SHH: variants seen among roughly 807,000 people sequenced by gnomAD.
SHH encodes the protein sonic hedgehog protein.
A neutral mutation model predicts 16.6 loss-of-function variants in SHH; 3 were observed. The observed-to-expected ratio is 0.18, with a 90% CI of 0.08 to 0.47. The LOEUF is 0.47. Ranked by LOEUF, SHH falls within the 20% of genes least tolerant of loss-of-function variation. The probability of loss-of-function intolerance (pLI) is 0.98; values close to 1 mark genes in which losing one functional copy is unlikely to be tolerated. For synonymous variants in SHH, 351 were observed against 316.2 expected (o/e 1.11, Z -1.17); for missense variants, 499 against 665.0 (o/e 0.75, Z 2.75).
At chr7:155,805,007 G>A (rs891014302) in intron 2 of SHH, among the ~76,000 whole-genome samples, 1 of 152,196 alleles carries the variant, frequency 6.6e-6, no homozygotes, top group African/African-American at 2.4e-5. Flanking sequence ...TCGTCGAGTC[G>A]CACGGCCCGG....
intron 1 of SHH, chr7:155,806,823 G>A: frequency 1.7e-6 from 1 of 597,458 alleles, no homozygotes; most frequent in South Asian, 2.0e-5. Flanking sequence ...TGAAACAGCC[G>A]ATGCTCCTAG....
At chr7:155,810,147 C>T (rs1208909560) in intron 1 of SHH, among the ~76,000 whole-genome samples, 1 of 152,224 alleles carries the variant, frequency 6.6e-6, no homozygotes, top group Admixed American at 6.5e-5. Context: ...GTAAGTGGGG[C>T]TGCAGGCGTC....
rs1293081662 is a variant in SHH at position 155,802,336 on chromosome 7, C to CA, written c.*563dup. 1 of 152,132 alleles carries CA rather than the reference C, an allele frequency of 6.6e-6. No homozygotes were observed. Among genetic ancestry groups the CA allele is most frequent in the African/African-American group, 2.4e-5 (1 of 41,416 alleles). 9.4% of individuals were successfully genotyped at this position (152,132 alleles called of 1,614,324 possible). ...TTGATCTCTCAAAAAATCTAATTTA[C>CA]AATTCTGTGTATAAAAATATAATTT... On this transcript the variant is annotated 3_prime_UTR_variant, in exon 3 of 3. Transcript: ENST00000297261.
At position 155,800,277 on chromosome 7, in the gene SHH, G is replaced by A. The variant is rs1803151735; in HGVS notation, c.*2623C>T. 2 of 466,020 alleles carry A rather than the reference G, an allele frequency of 4.3e-6. No individual in the cohort carries two copies. The highest frequency in any genetic ancestry group is 8.9e-6 in the Non-Finnish European group (2 of 225,562). 28.9% of individuals were successfully genotyped at this position (466,020 alleles called of 1,614,324 possible). The stretch of plus-strand genomic sequence containing the variant: ...AAAAGAGAATTTTAAATATAAAGCA[G>A]TGGACGCATCTTAAGAAGATGGACC... On this transcript the variant is annotated 3_prime_UTR_variant, in exon 3 of 3. Coordinates refer to ENST00000297261, the MANE Select transcript of SHH (RefSeq NM_000193.4).
chr7:155,809,859 C>T lies in SHH; in HGVS notation c.300+1964G>A, dbSNP rs1317774858. Among the ~76,000 whole-genome samples the T allele has an allele frequency of 6.6e-6, 1 of 151,596 alleles. No individual in the cohort carries two copies. The highest frequency in any genetic ancestry group is 1.5e-5 in the Non-Finnish European group (1 of 67,820). ...CGGGGGGAGGCCCCCGGGCTGGGGG[C>T]TCCGGCTGGGACGCGGAGGCCTAGA... On this transcript the variant is annotated intron_variant, in intron 1 of 2. Coordinates refer to ENST00000297261, the MANE Select transcript of SHH (RefSeq NM_000193.4). This position sits in a 1 kb window ranked among gnomAD's most constrained non-coding sequence, Gnocchi z 6.1.
chr7:155,812,077 G>A lies in SHH; in HGVS notation c.46C>T (p.Leu16=). The change falls in exon 1 of 3, where the codon CTG becomes TTG. Residue 16 remains leucine, a synonymous_variant. Transcript: ENST00000297261. The part of the protein sequence containing the change: ...RCLLLVLVSS[L]LVCSGLACGP... Reference sequence around the variant, plus strand: ...CACGCCAGTCCCGAGCATACCAGCAGCGAGGAGACGAGGACTAGCAGCAGA... The same window carrying A: ...CACGCCAGTCCCGAGCATACCAGCAACGAGGAGACGAGGACTAGCAGCAGA... 2.5e-6 allele frequency: 4 copies of A among 1,614,216 alleles called. No individual in the cohort carries two copies. Among genetic ancestry groups the A allele is most frequent in the African/African-American group, 1.3e-5 (1 of 75,070 alleles).
At chr7:155,806,759 A>T (rs1412954188) in intron 1 of SHH, 1 of 702,284 alleles carries the variant, frequency 1.4e-6, no homozygotes, top group African/African-American at 1.8e-5. Context: ...TTTGCGGAGG[A>T]GCGTGGAGGA....
In SHH at chr7:155,812,020, G is replaced by T; in HGVS notation, c.103C>A (p.His35Asn). 6.2e-7 allele frequency: 1 copy of T among 1,614,148 alleles called. No individual in the cohort carries two copies. Among genetic ancestry groups the T allele is most frequent in the South Asian group, 1.1e-5 (1 of 91,072 alleles). The change falls in exon 1 of 3, where the codon CAC becomes AAC. Residue 35 changes from histidine (H) to asparagine (N), a missense_variant. This residue lies in a region of SHH where 75 missense variants were observed against 115.0 expected (regional missense o/e 0.65). Coordinates refer to ENST00000297261, the MANE Select transcript of SHH (RefSeq NM_000193.4). Reference protein sequence around the residue: ...GPGRGFGKRRHPKKLTPLAYK... With the variant: ...GPGRGFGKRRNPKKLTPLAYK... ...GCTAAAGGGGTCAGCTTTTTGGGGT[G>T]CCTCCTCTTCCCGAACCCCCTGCCC...
intron 1 of SHH, among the ~76,000 whole-genome samples, chr7:155,811,435 G>A (rs1374338826): frequency 2.6e-5 from 4 of 152,184 alleles, no homozygotes; most frequent in African/African-American, 9.7e-5. Context: ...TTGTGGGAGG[G>A]GGATTCCCAG....
Position 155,803,311 on chromosome 7 carries a change from C to T in SHH, c.978G>A (p.Arg326=), listed in dbSNP as rs759818601. The part of the protein sequence containing the change: ...YVVAERDGDR[R]LLPAAVHSVT... ...CGCTGTGCACAGCGGCGGGCAGGAG[C>T]CGGCGGTCCCCGTCACGCTCGGCCA... Residue 326 remains arginine, a synonymous_variant, in exon 3 of 3, where the codon CGG becomes CGA. Coordinates refer to ENST00000297261, the MANE Select transcript of SHH (RefSeq NM_000193.4). 1 of 1,477,024 alleles carries T rather than the reference C, an allele frequency of 6.8e-7. No individual in the cohort carries two copies. The highest frequency in any genetic ancestry group is 8.9e-7 in the Non-Finnish European group (1 of 1,121,586). 91.5% of individuals were successfully genotyped at this position (1,477,024 alleles called of 1,614,324 possible). A position where few individuals can be genotyped will look rare whatever the true frequency, so the allele number is the denominator to read the frequency against.
chr7:155,805,737 G>T (rs1005794364), intron 2 of SHH, among the ~76,000 whole-genome samples: 1 of 152,190 alleles, frequency 6.6e-6, no homozygotes, highest in Non-Finnish European at 1.5e-5. Context: ...CGCAGGCTCC[G>T]GGCGCGCCGC....
rs1803156721 is a variant in SHH, at chr7:155,800,522, T to C, written c.*2378A>G. On this transcript the variant is annotated 3_prime_UTR_variant, in exon 3 of 3. Coordinates refer to ENST00000297261, the MANE Select transcript of SHH (RefSeq NM_000193.4). Reference sequence around the variant, plus strand: ...TGGGCTGCACGGCCACATTGCCAGGTCTGTCTACACAGCCAGAGGAGCTGC... The same window carrying C: ...TGGGCTGCACGGCCACATTGCCAGGCCTGTCTACACAGCCAGAGGAGCTGC... The C allele has an allele frequency of 2.1e-6, 1 of 470,172 alleles. No homozygotes were observed. The highest frequency in any genetic ancestry group is 2.0e-5 in the African/African-American group (1 of 50,046). The allele number at this position is 470,172 out of a possible 1,614,324, so 29.1% of individuals were successfully genotyped here. A position where few individuals can be genotyped will look rare whatever the true frequency, so the allele number is the denominator to read the frequency against.
intron 1 of SHH, among the ~76,000 whole-genome samples, chr7:155,810,386 C>G (rs1237622021): frequency 2.0e-5 from 3 of 152,250 alleles, no homozygotes; most frequent in African/African-American, 7.2e-5. Context: ...AAGGCCCCTC[C>G]TCCGCGGGGA....
Position 155,800,817 on chromosome 7 carries a change from G to A in SHH, c.*2083C>T, listed in dbSNP as rs1463418460. The A allele has an allele frequency of 2.8e-6, 1 of 354,732 alleles. No homozygotes were observed. The highest frequency in any genetic ancestry group is 5.6e-6 in the Non-Finnish European group (1 of 178,888). The allele number at this position is 354,732 out of a possible 1,614,324, so 22.0% of individuals were successfully genotyped here. ...ACCCGTAGCAGAGCAGACCCTCAGGGACTGGGCCCAACCTCGGGAGCCAGC... is the reference window on the plus strand; with the variant it reads ...ACCCGTAGCAGAGCAGACCCTCAGGAACTGGGCCCAACCTCGGGAGCCAGC... On this transcript the variant is annotated 3_prime_UTR_variant, in exon 3 of 3. Transcript: ENST00000297261.
chr7:155,810,967 G>A (rs1803510162), intron 1 of SHH, among the ~76,000 whole-genome samples: 1 of 152,190 alleles, frequency 6.6e-6, no homozygotes, highest in South Asian at 2.1e-4. Flanking sequence ...GAGAGAGAGA[G>A]GAATTCATAT....
In SHH at chr7:155,812,025, C is replaced by G; in HGVS notation, c.98G>C (p.Arg33Thr). The G allele has an allele frequency of 1.9e-6, 3 of 1,614,158 alleles. No homozygotes were observed. Among genetic ancestry groups the G allele is most frequent in the Non-Finnish European group, 2.5e-6 (3 of 1,180,024 alleles). The change falls in exon 1 of 3, where the codon AGG (arginine) becomes ACG (threonine). Residue 33 changes from arginine (R) to threonine (T), a missense_variant. This residue lies in a region of SHH where 75 missense variants were observed against 115.0 expected (regional missense o/e 0.65). Transcript: ENST00000297261. The stretch of plus-strand genomic sequence containing the variant: ...AGGGGTCAGCTTTTTGGGGTGCCTC[C>G]TCTTCCCGAACCCCCTGCCCGGTCC... ...ACGPGRGFGK[R>T]RHPKKLTPLA...
At chr7:155,810,944 C>T (rs897885613) in intron 1 of SHH, among the ~76,000 whole-genome samples, 1 of 152,212 alleles carries the variant, frequency 6.6e-6, no homozygotes, top group Admixed American at 6.5e-5. Context: ...TCAGAAATCT[C>T]AAAGGAGGTG....
chr7:155,810,645 C>T (rs1310440271), intron 1 of SHH, among the ~76,000 whole-genome samples: 1 of 152,250 alleles, frequency 6.6e-6, no homozygotes, highest in Non-Finnish European at 1.5e-5. Flanking sequence ...ACCTTGCCTG[C>T]CCCTCGCCTT....
In SHH at chr7:155,812,148, G is replaced by A. The variant is rs751747965; in HGVS notation, c.-26C>T. On this transcript the variant is annotated 5_prime_UTR_variant, in exon 1 of 3. Transcript: ENST00000297261. ...CTCGCCCATGGAACTGATGACTTCCGAGCTGTCCCCGTGCGGGTCCGTGCG... is the reference window on the plus strand; with the variant it reads ...CTCGCCCATGGAACTGATGACTTCCAAGCTGTCCCCGTGCGGGTCCGTGCG... The A allele has an allele frequency of 3.7e-6, 6 of 1,612,690 alleles. No individual in the cohort carries two copies. In the East Asian group the frequency reaches 6.7e-5, roughly 18 times the overall value.
Sources: gnomAD v4.1 joint callset for allele counts (sites outside exome capture counted in the v4.1 genomes callset) on GRCh38, gnomAD v4.1.1 for gene constraint, gnomAD v4.1.1 regional missense constraint, Gnocchi (gnomAD v3.1) non-coding constraint, MANE v1.5 for transcripts, NCBI Gene and HGNC (gene_info 2026-07-23, HGNC 2026-07-21) for gene names.